TUSC3: variants seen among roughly 807,000 people sequenced by gnomAD.
TUSC3 encodes tumor suppressor candidate 3.
Under a neutral mutation model 44.8 loss-of-function variants are expected in TUSC3, and 45 were observed. The observed-to-expected ratio is 1.00, with a 90% CI of 0.79 to 1.29. The LOEUF is 1.29. TUSC3 is among the 50% of genes most tolerant of loss of function. The probability of loss-of-function intolerance (pLI) is 0.00; values close to 1 mark genes in which losing one functional copy is unlikely to be tolerated. For missense variants in TUSC3, 519 were observed against 437.9 expected (o/e 1.19, Z -1.65); for synonymous variants, 212 against 152.9 (o/e 1.39, Z -2.85).
chr8:15,490,167 A>G (rs1232177012), intron 2 of TUSC3, among the ~76,000 whole-genome samples: 1 of 152,202 alleles, frequency 6.6e-6, no homozygotes, highest in Non-Finnish European at 1.5e-5. Flanking sequence ...CTAGAACAAC[A>G]AACAAGTGAT....
chr8:15,838,283 A>T, the TUSC3 span, among the ~76,000 whole-genome samples: 1 of 152,168 alleles, frequency 6.6e-6, no homozygotes, highest in African/African-American at 2.4e-5. Context: ...CCCAATGTGA[A>T]CTTTCTTGGA....
intron 2 of TUSC3, among the ~76,000 whole-genome samples, chr8:15,526,790 C>A (rs1048901590): frequency 6.6e-6 from 1 of 152,034 alleles, no homozygotes; most frequent in Non-Finnish European, 1.5e-5. Flanking sequence ...TGATAAGGAC[C>A]GGTACTAAAG....
At chr8:15,813,529 T>C in the TUSC3 span, among the ~76,000 whole-genome samples, 1 of 151,546 alleles carries the variant, frequency 6.6e-6, no homozygotes, top group Non-Finnish European at 1.5e-5. Flanking sequence ...CCTTACAACT[T>C]GATGACAGCA....
chr8:15,447,195 G>A (rs1327155179), intron 1 of TUSC3, among the ~76,000 whole-genome samples: 1 of 152,038 alleles, frequency 6.6e-6, no homozygotes, highest in Non-Finnish European at 1.5e-5. Flanking sequence ...GGAAAACCAG[G>A]TTTCCAAAAA....
At chr8:15,591,469 C>G (rs1321249568) in intron 1 of TUSC3, among the ~76,000 whole-genome samples, 1 of 152,114 alleles carries the variant, frequency 6.6e-6, no homozygotes, top group African/African-American at 2.4e-5. Context: ...ATGTACAAAA[C>G]TCTGGAGAAA....
upstream of TUSC3, among the ~76,000 whole-genome samples, chr8:15,538,209 A>C (rs777731406): frequency 2.0e-5 from 3 of 152,258 alleles, no homozygotes; most frequent in Non-Finnish European, 4.4e-5. Context: ...GTAGCCAATT[A>C]GGTAATTTCC....
At chr8:15,435,301 T>G (rs985628801) in intron 1 of TUSC3, among the ~76,000 whole-genome samples, 3 of 152,258 alleles carry the variant, frequency 2.0e-5, no homozygotes, top group Admixed American at 2.0e-4. Context: ...GATGAGCATT[T>G]TTTCATGTGT....
chr8:15,818,106 A>G, the TUSC3 span, among the ~76,000 whole-genome samples: 49,370 of 152,048 alleles, frequency 0.32, 8,600 homozygotes, highest in African/African-American at 0.44. Context: ...AGATTAGACA[A>G]GTTGAATCTG....
chr8:15,629,553 G>GTTTTTTTTTTTTTT (rs71211066), intron 2 of TUSC3, among the ~76,000 whole-genome samples: 1 of 129,044 alleles, frequency 7.7e-6, no homozygotes. Context: ...CGGCCATCTT[G>GTTTTTTTTTTTTTT]TTTTTTTTTT....
At chr8:15,504,262 G>A (rs1004906129) in intron 2 of TUSC3, among the ~76,000 whole-genome samples, 16 of 151,992 alleles carry the variant, frequency 1.1e-4, no homozygotes, top group South Asian at 6.2e-4. Context: ...AATAAAGATC[G>A]CTGGAGATCC....
At chr8:15,791,517 A>G in the TUSC3 span, among the ~76,000 whole-genome samples, 1 of 152,136 alleles carries the variant, frequency 6.6e-6, no homozygotes, top group Non-Finnish European at 1.5e-5. Flanking sequence ...TGCTTGGATG[A>G]CAAGACTGGG....
the TUSC3 span, among the ~76,000 whole-genome samples, chr8:15,829,074 ATACT>A: frequency 3.9e-5 from 6 of 152,130 alleles, no homozygotes; most frequent in African/African-American, 7.2e-5. Context: ...TTTTCTTCTC[ATACT>A]TACCCACTTC....
intron 1 of TUSC3, among the ~76,000 whole-genome samples, chr8:15,434,309 G>A (rs1310574288): frequency 1.3e-5 from 2 of 152,036 alleles, no homozygotes; most frequent in Non-Finnish European, 2.9e-5. Context: ...CATTATTTGA[G>A]CAGTAAAACT....
Position 15,700,849 on chromosome 8 carries a change from C to CTTTTTTTTTTTTTTT in TUSC3, c.798+27017_798+27031dup, listed in dbSNP as rs71211076. ...CTTTCACTAGAGGGAATGGCTGGAGCTTTTTTTTTTTTTTTTTTGCTTTGC... is the reference window on the plus strand; with the variant it reads ...CTTTCACTAGAGGGAATGGCTGGAGCTTTTTTTTTTTTTTTTTTTTTTTTTTTTTTTTTGCTTTGC... On this transcript the variant is annotated intron_variant, in intron 6 of 10. Transcript: ENST00000503731. 2.5e-3 allele frequency among the ~76,000 whole-genome samples: 226 copies of CTTTTTTTTTTTTTTT among 90,518 alleles called. 15 individuals carry two copies. The highest frequency in any genetic ancestry group is 4.5e-3 in the African/African-American group (91 of 20,396). The allele number at this position is 90,518 out of a possible 152,430, so 59.4% of individuals were successfully genotyped here.
At chr8:15,551,924 A>G (rs1585093271) in intron 1 of TUSC3, among the ~76,000 whole-genome samples, 1 of 151,836 alleles carries the variant, frequency 6.6e-6, no homozygotes, top group East Asian at 1.9e-4. Flanking sequence ...GGGTTCCATC[A>G]TGACACAGTA....
At chr8:15,840,608 T>C in the TUSC3 span, among the ~76,000 whole-genome samples, 1 of 152,134 alleles carries the variant, frequency 6.6e-6, no homozygotes, top group Non-Finnish European at 1.5e-5. Context: ...TTTCTGAAGT[T>C]TCTTAATTCC....
intron 2 of TUSC3, among the ~76,000 whole-genome samples, chr8:15,500,770 C>G (rs1430833733): frequency 6.6e-6 from 1 of 152,034 alleles, no homozygotes; most frequent in Non-Finnish European, 1.5e-5. Context: ...AGCAAAGTTT[C>G]GGAACTTGAA....
At chr8:15,424,962 C>T (rs996891458) in intron 1 of TUSC3, among the ~76,000 whole-genome samples, 1 of 151,838 alleles carries the variant, frequency 6.6e-6, no homozygotes, top group Non-Finnish European at 1.5e-5. Context: ...AGAATTATAT[C>T]GGTGATGGCA....
At chr8:15,731,498 T>C (rs1194991004) in intron 7 of TUSC3, among the ~76,000 whole-genome samples, 1 of 152,116 alleles carries the variant, frequency 6.6e-6, no homozygotes. Flanking sequence ...TAACCAAAGG[T>C]GTAAATCTTT....
Sources: gnomAD v4.1 joint callset for allele counts (sites outside exome capture counted in the v4.1 genomes callset) on GRCh38, gnomAD v4.1.1 for gene constraint, MANE v1.5 for transcripts, NCBI Gene and HGNC (gene_info 2026-07-23, HGNC 2026-07-21) for gene names.